Variants in HYCC1 observed in about 807,000 individuals in gnomAD.
HYCC1 encodes hyccin.
the HYCC1 span, chr7:22,941,825 T>G: frequency 6.6e-6 from 1 of 152,150 alleles, no homozygotes; most frequent in Non-Finnish European, 1.5e-5. Context: ...TATAAATTCA[T>G]GCTCATTAAA....
At chr7:22,970,678 T>C in the HYCC1 span, among the ~76,000 whole-genome samples, 1 of 152,224 alleles carries the variant, frequency 6.6e-6, no homozygotes, top group Non-Finnish European at 1.5e-5. Flanking sequence ...GGTAATGGCA[T>C]CTCTTTTCTC....
the HYCC1 span, among the ~76,000 whole-genome samples, chr7:22,914,965 T>G: frequency 6.6e-6 from 1 of 152,216 alleles, no homozygotes; most frequent in Non-Finnish European, 1.5e-5. Flanking sequence ...GCTGAAGGCA[T>G]AGCCAAGGCT....
At chr7:22,950,099 G>A in the HYCC1 span, among the ~76,000 whole-genome samples, 1 of 151,946 alleles carries the variant, frequency 6.6e-6, no homozygotes, top group Non-Finnish European at 1.5e-5. Flanking sequence ...ATAACTCTGT[G>A]ACCCGACATT....
chr7:22,965,241 T>C, the HYCC1 span, among the ~76,000 whole-genome samples: 2 of 151,790 alleles, frequency 1.3e-5, no homozygotes, highest in Admixed American at 6.6e-5. Flanking sequence ...TGACACAAAC[T>C]GCAGGATCCA....
At chr7:22,949,638 A>G in the HYCC1 span, among the ~76,000 whole-genome samples, 1 of 152,052 alleles carries the variant, frequency 6.6e-6, no homozygotes, top group African/African-American at 2.4e-5. Context: ...CTGTTAATCT[A>G]AAGTGGTGCT....
At chr7:22,933,454 A>G in the HYCC1 span, among the ~76,000 whole-genome samples, 2 of 152,134 alleles carry the variant, frequency 1.3e-5, no homozygotes, top group African/African-American at 4.8e-5. Flanking sequence ...GTTTTGATTT[A>G]AAGTCTAATG....
the HYCC1 span, chr7:22,960,463 G>A: frequency 6.9e-7 from 1 of 1,454,570 alleles, no homozygotes; most frequent in Non-Finnish European, 9.6e-7. Flanking sequence ...AGATAGAGCA[G>A]ATATATTATC....
the HYCC1 span, among the ~76,000 whole-genome samples, chr7:22,921,632 C>T: frequency 6.6e-6 from 1 of 152,136 alleles, no homozygotes; most frequent in African/African-American, 2.4e-5. Flanking sequence ...ATTAGTTCCA[C>T]ACGGCTCCCC....
At chr7:22,921,364 T>C in the HYCC1 span, among the ~76,000 whole-genome samples, 22 of 151,996 alleles carry the variant, frequency 1.4e-4, no homozygotes, top group Admixed American at 1.4e-3. Flanking sequence ...CAAGAACAAA[T>C]AAAAAGTATC....
At chr7:22,960,280 T>C in the HYCC1 span, 1 of 1,613,812 alleles carries the variant, frequency 6.2e-7, no homozygotes, top group Non-Finnish European at 8.5e-7. Flanking sequence ...CTATGACCCC[T>C]TATTGACATG....
chr7:22,978,502 T>C, the HYCC1 span: 1 of 1,399,666 alleles, frequency 7.1e-7, no homozygotes, highest in Non-Finnish European at 1.0e-6. Context: ...TGAATGGAAC[T>C]ACTATATGAA....
At chr7:22,912,845 A>T in the HYCC1 span, among the ~76,000 whole-genome samples, 3 of 152,082 alleles carry the variant, frequency 2.0e-5, no homozygotes, top group African/African-American at 4.8e-5. Flanking sequence ...GCTAAGAAGT[A>T]CTCTCTGCTG....
the HYCC1 span, among the ~76,000 whole-genome samples, chr7:23,012,030 G>A: frequency 6.6e-6 from 1 of 152,148 alleles, no homozygotes; most frequent in Non-Finnish European, 1.5e-5. Context: ...ATGTTAGATA[G>A]TAAATTCCTT....
chr7:22,964,553 T>C, the HYCC1 span: 2 of 1,380,430 alleles, frequency 1.4e-6, no homozygotes, highest in Non-Finnish European at 2.1e-6. Context: ...AAAATAAATG[T>C]ATTTCTAAAA....
chr7:23,011,022 A>G, the HYCC1 span, among the ~76,000 whole-genome samples: 4 of 152,164 alleles, frequency 2.6e-5, no homozygotes, highest in Admixed American at 6.5e-5. Flanking sequence ...TTCAGTGGTC[A>G]CTGGGGCCCT....
the HYCC1 span, among the ~76,000 whole-genome samples, chr7:22,970,926 T>C: frequency 0.22 from 33,468 of 152,154 alleles, 3,821 homozygotes; most frequent in East Asian, 0.36. Flanking sequence ...AAAGAGCAGC[T>C]GAGTGCCATA....
chr7:23,010,295 T>C, the HYCC1 span, among the ~76,000 whole-genome samples: 1 of 152,194 alleles, frequency 6.6e-6, no homozygotes, highest in African/African-American at 2.4e-5. Context: ...TTAGTTCCAA[T>C]AATTATCTCA....
At chr7:22,994,657 G>T in the HYCC1 span, among the ~76,000 whole-genome samples, 1 of 152,072 alleles carries the variant, frequency 6.6e-6, no homozygotes, top group Non-Finnish European at 1.5e-5. Context: ...TGTTTAGCAC[G>T]CATGCAAGCT....
the HYCC1 span, among the ~76,000 whole-genome samples, chr7:23,009,387 G>A: frequency 6.6e-6 from 1 of 152,060 alleles, no homozygotes; most frequent in Admixed American, 6.6e-5. Flanking sequence ...CAAAATTAGG[G>A]ATGCCTTCCT....
Sources: gnomAD v4.1 joint callset for allele counts (sites outside exome capture counted in the v4.1 genomes callset) on GRCh38, gnomAD v4.1.1 for gene constraint, MANE v1.5 for transcripts, NCBI Gene and HGNC (gene_info 2026-07-23, HGNC 2026-07-21) for gene names.